PCDHGB4: variants seen among roughly 807,000 people sequenced by gnomAD.
The protein encoded by PCDHGB4 is protocadherin gamma-B4.
Under a neutral mutation model 60.5 loss-of-function variants are expected in PCDHGB4, and 38 were observed. That is an observed-to-expected ratio of 0.63 (90% CI 0.48 to 0.82). The LOEUF (loss-of-function observed/expected upper bound fraction) is 0.82, where lower values mean the gene tolerates loss of function less well. Among genes scored for constraint, PCDHGB4 ranks in the 40% least tolerant of loss-of-function variants. The probability of loss-of-function intolerance (pLI) is 0.00; values close to 1 mark genes in which losing one functional copy is unlikely to be tolerated. For synonymous variants in PCDHGB4, 456 were observed against 509.7 expected, an observed-to-expected ratio of 0.89 and a Z score of 1.42; for missense variants, 1,109 against 1,209.6, an observed-to-expected ratio of 0.92 and a Z score of 1.23.
rs1464357405 is a variant in PCDHGB4 at position 141,476,385 on chromosome 5, A to G, written c.2398-18422A>G. On this transcript the variant is annotated intron_variant, in intron 1 of 3. Coordinates refer to ENST00000519479, the MANE Select transcript of PCDHGB4 (RefSeq NM_003736.4). The surrounding 1 kb of genome is among the most constrained non-coding windows in gnomAD (Gnocchi z 7.6). ...GAGACCGGAGAGATGTTTGTGAACG[A>G]CCGTCTGGATCGAGAGGAGCTGTGT... The G allele has an allele frequency of 4.3e-6, 7 of 1,614,062 alleles. No homozygotes were observed. The highest frequency in any genetic ancestry group is 5.9e-6 in the Non-Finnish European group (7 of 1,180,020).
intron 1 of PCDHGB4, chr5:141,393,983 A>T: frequency 1.9e-6 from 3 of 1,613,710 alleles, no homozygotes; most frequent in Non-Finnish European, 2.5e-6. Context: ...GTGATAATTT[A>T]CCTTTTAAAT....
In PCDHGB4 at chr5:141,422,843, G is replaced by C. The variant is rs778670588; in HGVS notation, c.2397+32562G>C. 1.9e-6 allele frequency: 3 copies of C among 1,614,234 alleles called. No homozygotes were observed. In the East Asian group the frequency reaches 6.7e-5, roughly 36 times the overall value. ...CTGAGAGTGATAGCACGTGACAGCG[G>C]GGACCCGCCCCTCAGCAGCAACGTG... is the stretch of plus-strand genomic sequence containing the variant. On this transcript the variant is annotated intron_variant, in intron 1 of 3. Coordinates refer to ENST00000519479, the MANE Select transcript of PCDHGB4 (RefSeq NM_003736.4).
chr5:141,415,764 T>G lies in PCDHGB4; in HGVS notation c.2397+25483T>G, dbSNP rs1158166352. The G allele has an allele frequency of 5.0e-6, 7 of 1,391,674 alleles. No homozygotes were observed. The African/African-American group carries it at 7.5e-5, about 15-fold the overall frequency. 86.2% of individuals were successfully genotyped at this position (1,391,674 alleles called of 1,614,324 possible). Reference sequence around the variant, plus strand: ...GGTTTTTTTTTTTTTTTTTTTTTTTTTTTTTTTTACTTTCTGGTAAAATTC... The same window carrying G: ...GGTTTTTTTTTTTTTTTTTTTTTTTGTTTTTTTTACTTTCTGGTAAAATTC... On this transcript the variant is annotated intron_variant, in intron 1 of 3. Coordinates refer to ENST00000519479, the MANE Select transcript of PCDHGB4 (RefSeq NM_003736.4).
In PCDHGB4 at chr5:141,483,413, G is replaced by A. The variant is rs112015754; in HGVS notation, c.2398-11394G>A. 5.9e-4 allele frequency among the ~76,000 whole-genome samples: 90 copies of A among 152,300 alleles called. 1 individual carries two copies. Among genetic ancestry groups the A allele is most frequent in the African/African-American group, 1.7e-3 (69 of 41,584 alleles). ...AAATGCTTGAACCAGCACAGTGGCA[G>A]TACAGATGGAGGGAGCTGACTACAA... On this transcript the variant is annotated intron_variant, in intron 1 of 3. Transcript: ENST00000519479.
chr5:141,390,665 T>C, intron 1 of PCDHGB4: 1 of 192,900 alleles, frequency 5.2e-6, no homozygotes, highest in Non-Finnish European at 1.1e-5. Context: ...ACCATAAATA[T>C]AAAAATAATA....
In PCDHGB4 at chr5:141,389,903, C is replaced by T; in HGVS notation, c.2019C>T (p.Ile673=). The T allele has an allele frequency of 6.2e-7, 1 of 1,614,092 alleles. No individual in the cohort carries two copies. The highest frequency in any genetic ancestry group is 8.5e-7 in the Non-Finnish European group (1 of 1,179,910). The change falls in exon 1 of 4, where the codon ATC becomes ATT. Residue 673 remains isoleucine (I), a synonymous_variant. Coordinates refer to ENST00000519479, the MANE Select transcript of PCDHGB4 (RefSeq NM_003736.4). ...GCTTGCAGGAGGTGCTGCCGGATAT[C>T]ACTGACCGCCCCGACCCCTCTGACC... ...ADSLQEVLPD[I]TDRPDPSDLQ...
chr5:141,422,876 G>A (rs2096681830), intron 1 of PCDHGB4: 1 of 1,614,248 alleles, frequency 6.2e-7, no homozygotes, highest in Non-Finnish European at 8.5e-7. Context: ...GTGTCGCTGA[G>A]CCTGTTCGTG....
intron 1 of PCDHGB4, among the ~76,000 whole-genome samples, chr5:141,474,405 GT>G (rs2099348889): frequency 6.6e-6 from 1 of 152,196 alleles, no homozygotes; most frequent in African/African-American, 2.4e-5. Flanking sequence ...AAGCTCCCCG[GT>G]GATGCCTAGA....
chr5:141,433,642 C>A (rs1457700205), intron 1 of PCDHGB4, among the ~76,000 whole-genome samples: 2 of 152,170 alleles, frequency 1.3e-5, no homozygotes, highest in South Asian at 2.1e-4. Context: ...TTGAGACCAG[C>A]CTGACCAACA....
In PCDHGB4 at chr5:141,394,083, G is replaced by A. The variant is rs146481056; in HGVS notation, c.2397+3802G>A. The A allele has an allele frequency of 3.1e-6, 5 of 1,613,826 alleles. No individual in the cohort carries two copies. The East Asian group carries it at 6.7e-5, about 22-fold the overall frequency. On this transcript the variant is annotated intron_variant, in intron 1 of 3. Transcript: ENST00000519479. ...CTCTATCTACAATATCACAGTGATG[G>A]CCTCAGATCTAGGAACACCACCTCT... is the stretch of plus-strand genomic sequence containing the variant.
intron 1 of PCDHGB4, chr5:141,398,776 G>A: frequency 6.2e-7 from 1 of 1,613,904 alleles, no homozygotes; most frequent in Non-Finnish European, 8.5e-7. Flanking sequence ...TGCCTTGGAC[G>A]GTGGACATCC....
At chr5:141,448,887 G>T (rs1160586933) in intron 1 of PCDHGB4, among the ~76,000 whole-genome samples, 1 of 152,172 alleles carries the variant, frequency 6.6e-6, no homozygotes, top group East Asian at 1.9e-4. Flanking sequence ...GGAGCTTGCA[G>T]TGAGCCGAGA....
intron 1 of PCDHGB4, among the ~76,000 whole-genome samples, chr5:141,455,250 A>C (rs1016027355): frequency 2.0e-5 from 3 of 152,172 alleles, no homozygotes; most frequent in Non-Finnish European, 2.9e-5. Flanking sequence ...GTCATAGTAC[A>C]ATCGCATTTC....
Position 141,388,335 on chromosome 5 carries a change from C to G in PCDHGB4, c.451C>G (p.Arg151Gly). 2 of 1,613,810 alleles carry G rather than the reference C, an allele frequency of 1.2e-6. No individual in the cohort carries two copies. The highest frequency in any genetic ancestry group is 1.7e-6 in the Non-Finnish European group (2 of 1,179,856). Residue 151 changes from arginine (R) to glycine (G), a missense_variant, in exon 1 of 4, where the codon CGA (arginine) becomes GGA (glycine). Physicochemically the swap from Arg to Gly is moderately radical, Grantham distance 125. This residue lies in a region of PCDHGB4 where 1,068 missense variants were observed against 1,089.9 expected (regional missense o/e 0.98). Coordinates refer to ENST00000519479, the MANE Select transcript of PCDHGB4 (RefSeq NM_003736.4). ...AAGTGAGTCTGCACAGCCTGGCACACGATTTATATTAGGATCTGCCCATGA... is the reference window on the plus strand; with the variant it reads ...AAGTGAGTCTGCACAGCCTGGCACAGGATTTATATTAGGATCTGCCCATGA... The part of the protein sequence containing the change: ...QISESAQPGT[R>G]FILGSAHDAD...
intron 3 of PCDHGB4, among the ~76,000 whole-genome samples, chr5:141,509,044 C>G (rs1385744160): frequency 1.3e-5 from 2 of 152,130 alleles, no homozygotes. Flanking sequence ...CCCTCTCCCC[C>G]GCCCCCAGAA....
At chr5:141,397,753 A>G (rs1052800196) in intron 1 of PCDHGB4, among the ~76,000 whole-genome samples, 9 of 152,266 alleles carry the variant, frequency 5.9e-5, no homozygotes, top group African/African-American at 9.6e-5. Flanking sequence ...AGAAGTTGTT[A>G]TAATTTTTTA....
chr5:141,408,463 G>T, intron 1 of PCDHGB4: 1 of 1,614,014 alleles, frequency 6.2e-7, no homozygotes, highest in Non-Finnish European at 8.5e-7. Context: ...TACTTGTGAA[G>T]AACCGAATAG....
At chr5:141,418,344 T>G (rs746519142) in intron 1 of PCDHGB4, 1 of 1,614,008 alleles carries the variant, frequency 6.2e-7, no homozygotes, top group Non-Finnish European at 8.5e-7. Context: ...GATCCTGATA[T>G]TAGTATGAAT....
At chr5:141,462,800 A>C (rs1039129881) in intron 1 of PCDHGB4, among the ~76,000 whole-genome samples, 2 of 152,128 alleles carry the variant, frequency 1.3e-5, no homozygotes, top group Non-Finnish European at 2.9e-5. Flanking sequence ...TTGCATGTCT[A>C]ATAATGTTTT....
Sources: gnomAD v4.1 joint callset for allele counts (sites outside exome capture counted in the v4.1 genomes callset) on GRCh38, gnomAD v4.1.1 for gene constraint, gnomAD v4.1.1 regional missense constraint, Gnocchi (gnomAD v3.1) non-coding constraint, MANE v1.5 for transcripts, NCBI Gene and HGNC (gene_info 2026-07-23, HGNC 2026-07-21) for gene names.